Variants in ARHGAP42 observed in about 807,000 individuals in gnomAD.
ARHGAP42 encodes Rho GTPase activating protein 42.
A neutral mutation model predicts 125.0 loss-of-function variants in ARHGAP42; 63 were observed. The observed-to-expected ratio is 0.50, with a 90% CI of 0.41 to 0.62. The LOEUF (loss-of-function observed/expected upper bound fraction) is 0.62, where lower values mean the gene tolerates loss of function less well. ARHGAP42 is among the 20% of genes least tolerant of loss of function. The pLI is 0.00. For missense variants in ARHGAP42, 766 were observed against 1,024.2 expected, an observed-to-expected ratio of 0.75 and a Z score of 3.44; for synonymous variants, 339 against 351.0, an observed-to-expected ratio of 0.97 and a Z score of 0.38.
chr11:100,867,800 T>TAGAAATCA (rs1369394569), intron 4 of ARHGAP42, among the ~76,000 whole-genome samples: 1 of 152,224 alleles, frequency 6.6e-6, no homozygotes, highest in Non-Finnish European at 1.5e-5. Flanking sequence ...AGCTTAATGA[T>TAGAAATCA]TTCTAGCTTT....
At chr11:100,886,401 T>C (rs746497999) in intron 4 of ARHGAP42, among the ~76,000 whole-genome samples, 2 of 152,156 alleles carry the variant, frequency 1.3e-5, no homozygotes, top group Non-Finnish European at 2.9e-5. Flanking sequence ...CTTTATAGAG[T>C]TGGACTAAAT....
At chr11:100,697,676 G>A (rs1319213290) in intron 1 of ARHGAP42, among the ~76,000 whole-genome samples, 1 of 152,076 alleles carries the variant, frequency 6.6e-6, no homozygotes, top group Admixed American at 6.6e-5. Context: ...TGGAAAACTG[G>A]TCTGTGTCTG....
rs569556664 is a variant in ARHGAP42, at chr11:100,773,184, A to AT, written c.250+2753dup. Reference sequence around the variant, plus strand: ...TAAATTCCATGAAGGCAGAAGCCAGATTTTTTTCTTTTTCAACCCTTTTAG... The same window carrying AT: ...TAAATTCCATGAAGGCAGAAGCCAGATTTTTTTTCTTTTTCAACCCTTTTAG... On this transcript the variant is annotated intron_variant, in intron 2 of 23. Transcript: ENST00000298815. Among the ~76,000 whole-genome samples, 9 of 152,236 alleles carry AT rather than the reference A, an allele frequency of 5.9e-5. No homozygotes were observed. In the South Asian group the frequency reaches 1.5e-3, roughly 25 times the overall value.
chr11:100,878,878 G>A (rs1001418427), intron 4 of ARHGAP42, among the ~76,000 whole-genome samples: 1 of 151,750 alleles, frequency 6.6e-6, no homozygotes, highest in Non-Finnish European at 1.5e-5. Flanking sequence ...ATTCTTTGGG[G>A]AGTTACATAT....
At position 100,974,613 on chromosome 11, in the gene ARHGAP42, C is replaced by A. The variant is rs1480642023; in HGVS notation, c.1855+10C>A. On this transcript the variant is annotated intron_variant, in intron 19 of 23. Coordinates refer to ENST00000298815, the MANE Select transcript of ARHGAP42 (RefSeq NM_152432.4). ...CTGGCCGAACCTGATAGTAAGTGCA[C>A]CCGGCCTTAGGGAGATGCTTTCTTC... The A allele has an allele frequency of 9.0e-6, 14 of 1,548,238 alleles. No individual in the cohort carries two copies. The highest frequency in any genetic ancestry group is 1.2e-5 in the Non-Finnish European group (14 of 1,145,072).
intron 3 of ARHGAP42, among the ~76,000 whole-genome samples, chr11:100,841,207 C>T (rs963508551): frequency 2.0e-5 from 3 of 152,180 alleles, no homozygotes. Context: ...AAAGAAGTTG[C>T]TTTAACCTTG....
chr11:100,853,792 G>T (rs1268860614), intron 3 of ARHGAP42, among the ~76,000 whole-genome samples: 1 of 151,862 alleles, frequency 6.6e-6, no homozygotes, highest in East Asian at 1.9e-4. Flanking sequence ...AAGTAGAGAG[G>T]ATTGCTTGCC....
At chr11:100,701,143 C>CTTT (rs200859842) in intron 1 of ARHGAP42, among the ~76,000 whole-genome samples, 5 of 138,782 alleles carry the variant, frequency 3.6e-5, no homozygotes, top group African/African-American at 5.3e-5. Flanking sequence ...GTAAAATGAA[C>CTTT]TTTTTTTTTT....
intron 3 of ARHGAP42, among the ~76,000 whole-genome samples, chr11:100,812,277 A>C (rs1864164885): frequency 6.6e-6 from 1 of 152,226 alleles, no homozygotes; most frequent in South Asian, 2.1e-4. Flanking sequence ...TTTTATTTAC[A>C]AAACAGACGA....
chr11:100,810,035 A>G (rs989859101), intron 3 of ARHGAP42, among the ~76,000 whole-genome samples: 1 of 152,172 alleles, frequency 6.6e-6, no homozygotes, highest in African/African-American at 2.4e-5. Context: ...CACATAGAAA[A>G]TTGCAAATAA....
intron 4 of ARHGAP42, among the ~76,000 whole-genome samples, chr11:100,873,529 T>C (rs1865744782): frequency 6.6e-6 from 1 of 152,156 alleles, no homozygotes; most frequent in Non-Finnish European, 1.5e-5. Flanking sequence ...GAAGGCAGAA[T>C]TAGTGAGAAA....
In ARHGAP42 at chr11:100,858,121, G is replaced by GTGTGTGTGTT. The variant is rs1300322636; in HGVS notation, c.313-1430_313-1429insGTGTGTTTGT. On this transcript the variant is annotated intron_variant, in intron 3 of 23. Coordinates refer to ENST00000298815, the MANE Select transcript of ARHGAP42 (RefSeq NM_152432.4). ...TGTGTGTGTGTGTGTGTGTGTGTGT[G>GTGTGTGTGTT]TGTTTATGTAATTAGGGTTTTAATG... Among the ~76,000 whole-genome samples the GTGTGTGTGTT allele has an allele frequency of 1.1e-4, 17 of 149,294 alleles. No homozygotes were observed. In the East Asian group the frequency reaches 1.4e-3, roughly 12 times the overall value.
chr11:100,756,747 A>T lies in ARHGAP42; in HGVS notation c.155-13596A>T, dbSNP rs377734359. On this transcript the variant is annotated intron_variant, in intron 1 of 23. Transcript: ENST00000298815. ...CAGACGTAGTTGCACAAGTTGACAC[A>T]GTTGGAATTCCTCAGTTCTGGTTGC... Among the ~76,000 whole-genome samples, 3 of 152,192 alleles carry T rather than the reference A, an allele frequency of 2.0e-5. No homozygotes were observed. In the East Asian group the frequency reaches 5.8e-4, roughly 29 times the overall value.
At position 100,973,319 on chromosome 11, in the gene ARHGAP42, A is replaced by G. The variant is rs1365208930; in HGVS notation, c.1695A>G (p.Ile565Met). The G allele has an allele frequency of 1.9e-6, 3 of 1,550,096 alleles. No homozygotes were observed. Among genetic ancestry groups the G allele is most frequent in the Non-Finnish European group, 2.6e-6 (3 of 1,146,484 alleles). The change falls in exon 18 of 24, where the codon ATA (isoleucine) becomes ATG (methionine). Residue 565 changes from isoleucine (I) to methionine (M), a missense_variant. This residue lies in a region of ARHGAP42 where 308 missense variants were observed against 369.7 expected (regional missense o/e 0.83). Coordinates refer to ENST00000298815, the MANE Select transcript of ARHGAP42 (RefSeq NM_152432.4). ...AGAATATTGTGGTAGAAATTCTGAT[A>G]GAGCACTATGAAAAGGTAGGCGGAA... ...KFQNIVVEIL[I>M]EHYEKIFHTA...
intron 3 of ARHGAP42, among the ~76,000 whole-genome samples, chr11:100,844,489 C>T (rs1003796266): frequency 6.6e-6 from 1 of 152,030 alleles, no homozygotes; most frequent in Admixed American, 6.6e-5. Context: ...ACAAAAGGAA[C>T]AGTCAACAGA....
intron 16 of ARHGAP42, 26 bp downstream of exon 16, chr11:100,962,493 A>G (rs368095117): frequency 6.7e-5 from 101 of 1,503,792 alleles, no homozygotes; most frequent in Admixed American, 9.9e-5. Context: ...TCATATACAC[A>G]TTATAATTGA....
intron 3 of ARHGAP42, among the ~76,000 whole-genome samples, chr11:100,835,109 A>G (rs1288451755): frequency 6.6e-6 from 1 of 151,980 alleles, no homozygotes; most frequent in Admixed American, 6.6e-5. Context: ...CTATCTACAT[A>G]TTTTATACTG....
chr11:100,841,906 G>C, intron 3 of ARHGAP42, among the ~76,000 whole-genome samples: 1 of 152,188 alleles, frequency 6.6e-6, no homozygotes. Context: ...TGTGGCTCCT[G>C]TCATTATCTG....
intron 1 of ARHGAP42, among the ~76,000 whole-genome samples, chr11:100,760,649 C>T (rs1200751775): frequency 2.0e-5 from 3 of 151,512 alleles, no homozygotes; most frequent in Non-Finnish European, 2.9e-5. Context: ...TGCAGTGAGC[C>T]GAGATTGCGC....
Sources: gnomAD v4.1 joint callset for allele counts (sites outside exome capture counted in the v4.1 genomes callset) on GRCh38, gnomAD v4.1.1 for gene constraint, gnomAD v4.1.1 regional missense constraint, MANE v1.5 for transcripts, NCBI Gene and HGNC (gene_info 2026-07-23, HGNC 2026-07-21) for gene names.